WDHD1: variants seen among roughly 807,000 people sequenced by gnomAD.
The protein encoded by WDHD1 is WD repeat and HMG-box DNA-binding protein 1.
WDHD1 carries 111 observed loss-of-function variants against 135.4 expected under a neutral mutation model. That is an observed-to-expected ratio of 0.82 (90% CI 0.70 to 0.96). WDHD1 has a LOEUF of 0.96. Ranked by LOEUF, WDHD1 falls within the 40% of genes least tolerant of loss-of-function variation. The probability of loss-of-function intolerance (pLI) is 0.00; values close to 1 mark genes in which losing one functional copy is unlikely to be tolerated. For synonymous variants in WDHD1, 434 were observed against 439.0 expected (o/e 0.99, Z 0.14); for missense variants, 1,351 against 1,336.3 (o/e 1.01, Z -0.17).
In WDHD1 at chr14:55,007,309, T is replaced by G. The variant is rs1447608028; in HGVS notation, c.571A>C (p.Arg191=). The G allele has an allele frequency of 1.3e-5, 21 of 1,606,600 alleles. No individual in the cohort carries two copies. The highest frequency in any genetic ancestry group is 1.7e-5 in the Non-Finnish European group (20 of 1,178,076). The part of the protein sequence containing the change: ...NDVINAKSIC[R]LAWQPKSGKL... ...CCACTTTTTGGCTGCCAAGCAAGTC[T>G]GCAGATTGATTTTGCATTTATCACA... Residue 191 remains arginine (R), a synonymous_variant, in exon 7 of 26, where the codon AGA becomes CGA. Coordinates refer to ENST00000360586, the MANE Select transcript of WDHD1 (RefSeq NM_007086.4).
intron 24 of WDHD1, among the ~76,000 whole-genome samples, chr14:54,949,311 C>T (rs537036442): frequency 6.6e-6 from 1 of 152,228 alleles, no homozygotes; most frequent in Non-Finnish European, 1.5e-5. Flanking sequence ...CCTCAAATGA[C>T]CTGATGGAGC....
chr14:54,991,497 C>G, intron 11 of WDHD1, 97 bp from the exon 12 acceptor site: 1 of 1,157,264 alleles, frequency 8.6e-7, no homozygotes, highest in Non-Finnish European at 1.2e-6. Flanking sequence ...CATTCATATT[C>G]AATGACACTG....
In WDHD1 at chr14:55,008,721, T is replaced by C; in HGVS notation, c.342-2A>G. ...TCCACAATTTTGACTAGAAAATCAC[T>C]AAGAACAAAAAGAGTAACGCAAATG... On this transcript the variant is annotated splice_acceptor_variant, in intron 4 of 25. Coordinates refer to ENST00000360586, the MANE Select transcript of WDHD1 (RefSeq NM_007086.4). LOFTEE classifies it high-confidence loss of function. 1.9e-6 allele frequency: 3 copies of C among 1,603,330 alleles called. No homozygotes were observed. The highest frequency in any genetic ancestry group is 2.6e-6 in the Non-Finnish European group (3 of 1,174,388).
At chr14:54,979,248 C>T (rs1422961180) in intron 16 of WDHD1, among the ~76,000 whole-genome samples, 2 of 152,100 alleles carry the variant, frequency 1.3e-5, no homozygotes, top group African/African-American at 4.8e-5. Flanking sequence ...ACCTCCTGGG[C>T]TCAAGTGATC....
chr14:55,009,564 C>T (rs766077709), intron 4 of WDHD1, among the ~76,000 whole-genome samples: 6 of 151,522 alleles, frequency 4.0e-5, no homozygotes, highest in African/African-American at 7.3e-5. Flanking sequence ...CCCAAGTAGC[C>T]GGGATTATAG....
intron 18 of WDHD1, 82 bp from the exon 19 acceptor site, chr14:54,963,254 T>C: frequency 9.1e-7 from 1 of 1,104,952 alleles, no homozygotes; most frequent in Non-Finnish European, 1.3e-6. Context: ...CTAGTAAAAC[T>C]GAGACAATAG....
Position 54,944,367 on chromosome 14 carries a change from T to C in WDHD1, c.3154A>G (p.Ile1052Val). 1.2e-6 allele frequency: 2 copies of C among 1,608,224 alleles called. No individual in the cohort carries two copies. Among genetic ancestry groups the C allele is most frequent in the South Asian group, 1.1e-5 (1 of 89,170 alleles). ...TCAGTTGACAATACTCTAAATCGAA[T>C]CATTCCTTCTTTTATTATGTCTGCT... is the stretch of plus-strand genomic sequence containing the variant. Reference protein sequence around the residue: ...DEADIIKEGMIRFRVLSTEER... With the variant: ...DEADIIKEGMVRFRVLSTEER... Residue 1052 changes from isoleucine (I) to valine (V), a missense_variant, in exon 25 of 26, where the codon ATT becomes GTT. This residue lies in a region of WDHD1 where 1,330 missense variants were observed against 1,296.1 expected (regional missense o/e 1.03). Coordinates refer to ENST00000360586, the MANE Select transcript of WDHD1 (RefSeq NM_007086.4).
intron 7 of WDHD1, among the ~76,000 whole-genome samples, chr14:55,006,070 C>T (rs1431549772): frequency 6.6e-6 from 1 of 151,992 alleles, no homozygotes; most frequent in African/African-American, 2.4e-5. Context: ...TGCTATGTTG[C>T]CCAGGCTGGT....
chr14:55,002,051 G>A lies in WDHD1; in HGVS notation c.693+42C>T. On this transcript the variant is annotated intron_variant, in intron 8 of 25. Coordinates refer to ENST00000360586, the MANE Select transcript of WDHD1 (RefSeq NM_007086.4). The stretch of plus-strand genomic sequence containing the variant: ...TATTCAGGCAAACTACGCATTAACT[G>A]CTCCTTATAGCCCACTGAAAGTGTC... The A allele has an allele frequency of 2.2e-6, 3 of 1,390,278 alleles. 1 individual carries two copies. In the South Asian group the frequency reaches 3.7e-5, roughly 17 times the overall value. The allele number at this position is 1,390,278 out of a possible 1,614,324, so 86.1% of individuals were successfully genotyped here.
intron 10 of WDHD1, among the ~76,000 whole-genome samples, chr14:54,997,618 A>T (rs897172002): frequency 1.3e-5 from 2 of 152,066 alleles, no homozygotes; most frequent in Non-Finnish European, 2.9e-5. Context: ...TTTCTAATTA[A>T]AAAAAATGGG....
chr14:54,982,025 C>T (rs1377162465), intron 15 of WDHD1, among the ~76,000 whole-genome samples: 3 of 147,798 alleles, frequency 2.0e-5, no homozygotes, highest in South Asian at 2.1e-4. Flanking sequence ...TTTTTTTTTT[C>T]GAGATGGAGT....
At chr14:54,996,425 T>C (rs942278668) in intron 10 of WDHD1, among the ~76,000 whole-genome samples, 3 of 151,990 alleles carry the variant, frequency 2.0e-5, no homozygotes, top group Non-Finnish European at 4.4e-5. Context: ...CTGGACAACA[T>C]GATGAAACCT....
chr14:54,951,154 G>C (rs2041044866), intron 24 of WDHD1, among the ~76,000 whole-genome samples: 1 of 152,038 alleles, frequency 6.6e-6, no homozygotes, highest in Non-Finnish European at 1.5e-5. Flanking sequence ...GATCAGAGCA[G>C]AACTGAAGGA....
intron 2 of WDHD1, among the ~76,000 whole-genome samples, chr14:55,019,182 G>A (rs1164734556): frequency 2.0e-5 from 3 of 151,830 alleles, no homozygotes; most frequent in African/African-American, 7.3e-5. Flanking sequence ...CAATACCATG[G>A]GACAGACAGG....
chr14:55,000,182 A>G (rs914346608), intron 10 of WDHD1, among the ~76,000 whole-genome samples: 2 of 151,942 alleles, frequency 1.3e-5, no homozygotes, highest in African/African-American at 2.4e-5. Context: ...GGAGGTGTAT[A>G]GGTAGTTCTA....
At chr14:54,955,208 A>C (rs1240931770) in intron 24 of WDHD1, among the ~76,000 whole-genome samples, 1 of 152,206 alleles carries the variant, frequency 6.6e-6, no homozygotes, top group African/African-American at 2.4e-5. Flanking sequence ...GTTTTTGGAG[A>C]CAGAAATTAG....
intron 7 of WDHD1, chr14:55,005,796 G>T: frequency 3.2e-6 from 1 of 311,644 alleles, no homozygotes; most frequent in Admixed American, 4.3e-5. Flanking sequence ...GCTCAATTTG[G>T]TCCTCCTAGA....
intron 16 of WDHD1, among the ~76,000 whole-genome samples, chr14:54,980,563 G>A (rs939922854): frequency 6.7e-6 from 1 of 150,024 alleles, no homozygotes; most frequent in African/African-American, 2.5e-5. Flanking sequence ...TGTACTTTGG[G>A]TGGATCACTT....
intron 18 of WDHD1, 110 bp from the exon 19 acceptor site, chr14:54,963,282 C>T: frequency 1.2e-6 from 1 of 801,440 alleles, no homozygotes; most frequent in Non-Finnish European, 2.0e-6. Context: ...GCTACTCTAT[C>T]TCCCTAATTC....
Sources: allele counts gnomAD v4.1 joint callset (sites outside exome capture counted in the v4.1 genomes callset), GRCh38; gene constraint gnomAD v4.1.1; regional missense constraint gnomAD v4.1.1; transcripts MANE v1.5; gene names NCBI Gene and HGNC (gene_info 2026-07-23, HGNC 2026-07-21).